The following MDGA2 variants were observed in gnomAD, a reference collection of about 807,000 sequenced individuals.
MDGA2 encodes MAM domain containing glycosylphosphatidylinositol anchor 2, also known as MAM domain-containing glycosylphosphatidylinositol anchor protein 2.
A neutral mutation model predicts 117.8 loss-of-function variants in MDGA2; 40 were observed. The observed-to-expected ratio is 0.34, with a 90% CI of 0.26 to 0.44. MDGA2 has a LOEUF of 0.44. Ranked by LOEUF, MDGA2 falls within the 20% of genes least tolerant of loss-of-function variation. The pLI is 1.00. For synonymous variants in MDGA2, 452 were observed against 439.0 expected, an observed-to-expected ratio of 1.03 and a Z score of -0.37; for missense variants, 1,123 against 1,250.6, an observed-to-expected ratio of 0.90 and a Z score of 1.54.
At chr14:46,909,857 C>G (rs1883632813) in intron 10 of MDGA2, among the ~76,000 whole-genome samples, 1 of 151,864 alleles carries the variant, frequency 6.6e-6, no homozygotes, top group African/African-American at 2.4e-5. Flanking sequence ...ATATGGAACT[C>G]TAAAGGAAAA....
chr14:47,035,687 G>A (rs909728233), intron 7 of MDGA2, among the ~76,000 whole-genome samples: 1 of 152,116 alleles, frequency 6.6e-6, no homozygotes, highest in African/African-American at 2.4e-5. Flanking sequence ...GTCAGAAAGG[G>A]AAAAAGAGAA....
chr14:47,346,064 T>G (rs182351803), intron 1 of MDGA2, among the ~76,000 whole-genome samples: 136 of 152,104 alleles, frequency 8.9e-4, no homozygotes, highest in African/African-American at 3.1e-3. Flanking sequence ...ATATTATATA[T>G]TTTCTAATAG....
At position 47,603,621 on chromosome 14, in the gene MDGA2, C is replaced by T. The variant is rs187731859; in HGVS notation, c.280+70896G>A. Among the ~76,000 whole-genome samples the T allele has an allele frequency of 3.3e-5, 5 of 152,194 alleles. No individual in the cohort carries two copies. The East Asian group carries it at 9.7e-4, about 29-fold the overall frequency. ...CCCCCACTTATCCCTCATAGTCTCT[C>T]TCTCTCTCTCTCTGTTTCTCTTGTT... On this transcript the variant is annotated intron_variant, in intron 1 of 16. Coordinates refer to ENST00000399232, the MANE Select transcript of MDGA2 (RefSeq NM_001113498.3).
chr14:47,413,311 A>G (rs749545001), intron 1 of MDGA2, among the ~76,000 whole-genome samples: 1 of 152,196 alleles, frequency 6.6e-6, no homozygotes, highest in Non-Finnish European at 1.5e-5. Context: ...ATGTCCTTTA[A>G]TAAAATGAAG....
At chr14:47,452,357 A>G (rs1036301643) in intron 1 of MDGA2, among the ~76,000 whole-genome samples, 1 of 152,164 alleles carries the variant, frequency 6.6e-6, no homozygotes, top group Non-Finnish European at 1.5e-5. Flanking sequence ...AATAAAGGTA[A>G]CAATGAATGA....
chr14:47,291,251 G>A (rs1420305056), intron 2 of MDGA2, among the ~76,000 whole-genome samples: 1 of 152,144 alleles, frequency 6.6e-6, no homozygotes, highest in Non-Finnish European at 1.5e-5. Context: ...TTTAAATGTA[G>A]TATGTGCAGC....
chr14:47,381,990 G>A (rs978894650), intron 1 of MDGA2, among the ~76,000 whole-genome samples: 1 of 151,656 alleles, frequency 6.6e-6, no homozygotes, highest in African/African-American at 2.4e-5. Context: ...GCATGGTACT[G>A]TTACCAAAAC....
chr14:47,532,147 C>T (rs2138734806), intron 1 of MDGA2, among the ~76,000 whole-genome samples: 1 of 152,264 alleles, frequency 6.6e-6, no homozygotes, highest in African/African-American at 2.4e-5. Flanking sequence ...GCAGTCTTCG[C>T]CTCTACATAT....
chr14:47,174,679 G>T (rs184568552), intron 3 of MDGA2, among the ~76,000 whole-genome samples: 3 of 152,060 alleles, frequency 2.0e-5, no homozygotes, highest in Middle Eastern at 3.4e-3. Flanking sequence ...AGCAGTAAAC[G>T]CCCACAAGAG....
intron 6 of MDGA2, among the ~76,000 whole-genome samples, chr14:47,070,471 C>T (rs1264307564): frequency 6.6e-6 from 1 of 152,180 alleles, no homozygotes; most frequent in African/African-American, 2.4e-5. Context: ...TTGCCCCTAT[C>T]TCCCATTCTC....
chr14:46,972,605 T>C (rs1400666664), intron 8 of MDGA2, among the ~76,000 whole-genome samples: 4 of 152,106 alleles, frequency 2.6e-5, no homozygotes, highest in Non-Finnish European at 5.9e-5. Context: ...AACCCACACA[T>C]TCCAGATAAC....
chr14:47,099,650 T>A lies in MDGA2; in HGVS notation c.926-2527A>T, dbSNP rs181482972. Among the ~76,000 whole-genome samples the A allele has an allele frequency of 5.9e-5, 9 of 152,012 alleles. 1 individual carries two copies. In the East Asian group the frequency reaches 1.7e-3, roughly 29 times the overall value. The stretch of plus-strand genomic sequence containing the variant: ...TCTGAAGTATTATATAATGTGATAG[T>A]TAAGTGGTAAGAGTACAAATTCTAG... On this transcript the variant is annotated intron_variant, in intron 5 of 16. Coordinates refer to ENST00000399232, the MANE Select transcript of MDGA2 (RefSeq NM_001113498.3).
chr14:47,048,464 T>G (rs758475039), intron 7 of MDGA2, among the ~76,000 whole-genome samples: 2 of 152,112 alleles, frequency 1.3e-5, no homozygotes, highest in African/African-American at 4.8e-5. Flanking sequence ...TTATTACTTC[T>G]GCAATAAAAA....
chr14:47,166,923 G>A (rs1883903861), intron 3 of MDGA2, among the ~76,000 whole-genome samples: 1 of 152,170 alleles, frequency 6.6e-6, no homozygotes, highest in South Asian at 2.1e-4. Flanking sequence ...ACAAGACAGT[G>A]TGTGTGTCAG....
At chr14:47,004,232 T>A (rs1045461833) in intron 8 of MDGA2, among the ~76,000 whole-genome samples, 3 of 151,818 alleles carry the variant, frequency 2.0e-5, no homozygotes, top group African/African-American at 7.2e-5. Flanking sequence ...AAATTAATGA[T>A]AAATTTTGTG....
chr14:47,541,789 G>A (rs908733341), intron 1 of MDGA2, among the ~76,000 whole-genome samples: 1 of 152,120 alleles, frequency 6.6e-6, no homozygotes, highest in Admixed American at 6.5e-5. Flanking sequence ...CTCTTCTTAA[G>A]CCTTGCAATC....
At chr14:46,951,704 G>T (rs1242409380) in intron 9 of MDGA2, among the ~76,000 whole-genome samples, 1 of 146,890 alleles carries the variant, frequency 6.8e-6, no homozygotes, top group African/African-American at 2.7e-5. Flanking sequence ...AATAAGCTTG[G>T]AAGGGACTTT....
chr14:46,979,613 A>C (rs2138373092), intron 8 of MDGA2, among the ~76,000 whole-genome samples: 1 of 152,310 alleles, frequency 6.6e-6, no homozygotes, highest in South Asian at 2.1e-4. Context: ...GATATGGAGA[A>C]AATTTTAGCA....
intron 1 of MDGA2, among the ~76,000 whole-genome samples, chr14:47,561,548 G>A (rs1895817060): frequency 6.6e-6 from 1 of 152,076 alleles, no homozygotes; most frequent in Non-Finnish European, 1.5e-5. Flanking sequence ...TTGGTGTATG[G>A]GAATGCTACT....
Sources: allele counts gnomAD v4.1 joint callset (sites outside exome capture counted in the v4.1 genomes callset), GRCh38; gene constraint gnomAD v4.1.1; transcripts MANE v1.5; gene names NCBI Gene and HGNC (gene_info 2026-07-23, HGNC 2026-07-21).